Variants in ADAMTSL1 observed in about 807,000 individuals in gnomAD.
ADAMTSL1 encodes the protein ADAMTS like 1.
In ADAMTSL1, 126 loss-of-function variants were observed where a neutral mutation model predicts 201.8. The observed-to-expected ratio is 0.62, with a 90% CI of 0.54 to 0.72. The LOEUF (loss-of-function observed/expected upper bound fraction) is 0.72. ADAMTSL1 is among the 30% of genes least tolerant of loss of function. The pLI is 0.00. For missense variants in ADAMTSL1, 2,679 were observed against 2,277.8 expected, an observed-to-expected ratio of 1.18 and a Z score of -3.59; for synonymous variants, 1,121 against 903.4, an observed-to-expected ratio of 1.24 and a Z score of -4.32.
At chr9:18,895,226 C>A (rs1031869052) in intron 26 of ADAMTSL1, among the ~76,000 whole-genome samples, 1 of 152,082 alleles carries the variant, frequency 6.6e-6, no homozygotes, top group Non-Finnish European at 1.5e-5. Context: ...GGGACATTAG[C>A]AAAATGGCAA....
chr9:17,933,294 C>T (rs1034569211), intron 1 of ADAMTSL1, among the ~76,000 whole-genome samples: 4 of 152,084 alleles, frequency 2.6e-5, no homozygotes, highest in African/African-American at 9.7e-5. Flanking sequence ...ACCTTCTCCT[C>T]TGTATGGGTC....
At chr9:18,481,401 TG>T (rs1179643319) in intron 1 of ADAMTSL1, among the ~76,000 whole-genome samples, 3 of 152,036 alleles carry the variant, frequency 2.0e-5, no homozygotes, top group Non-Finnish European at 4.4e-5. Flanking sequence ...AAAAATTAGC[TG>T]GGCATGGTGG....
intron 2 of ADAMTSL1, among the ~76,000 whole-genome samples, chr9:18,300,670 C>T (rs1459035127): frequency 1.3e-5 from 2 of 152,056 alleles, no homozygotes; most frequent in East Asian, 3.9e-4. Flanking sequence ...AATATATGTC[C>T]CTAAAACTAG....
rs1830449747 is a variant in ADAMTSL1 at position 18,908,741 on chromosome 9, G to A, written c.*193G>A. The A allele has an allele frequency of 1.8e-6, 1 of 543,858 alleles. No individual in the cohort carries two copies. The highest frequency in any genetic ancestry group is 3.3e-6 in the Non-Finnish European group (1 of 303,670). The allele number at this position is 543,858 out of a possible 1,614,324, so 33.7% of individuals were successfully genotyped here. ...GTGTTTTCTCTTTCAGTTAGCTGGA[G>A]GACAGGATGTTGGGAAAGGAAAGGA... On this transcript the variant is annotated 3_prime_UTR_variant, in exon 29 of 29. Transcript: ENST00000380548.
At chr9:18,892,984 G>T (rs1176957419) in intron 26 of ADAMTSL1, among the ~76,000 whole-genome samples, 1 of 151,124 alleles carries the variant, frequency 6.6e-6, no homozygotes, top group Non-Finnish European at 1.5e-5. Flanking sequence ...AATGTTTTTG[G>T]CCATAGAGTT....
intron 2 of ADAMTSL1, among the ~76,000 whole-genome samples, chr9:18,437,314 T>C (rs1010189264): frequency 6.6e-6 from 1 of 152,130 alleles, no homozygotes; most frequent in Non-Finnish European, 1.5e-5. Flanking sequence ...TTTTACATCA[T>C]TCATATATCT....
chr9:18,649,288 T>A (rs1180764175), intron 7 of ADAMTSL1, among the ~76,000 whole-genome samples: 2 of 151,970 alleles, frequency 1.3e-5, no homozygotes, highest in Non-Finnish European at 2.9e-5. Context: ...TATACATTTG[T>A]CTAAATTTTT....
At chr9:18,132,934 G>C (rs1226581127) in intron 1 of ADAMTSL1, among the ~76,000 whole-genome samples, 1 of 152,074 alleles carries the variant, frequency 6.6e-6, no homozygotes, top group Admixed American at 6.6e-5. Context: ...CGGAGATAGC[G>C]TTCAGACTGT....
chr9:18,069,178 T>TACAC (rs1822841612), intron 1 of ADAMTSL1, among the ~76,000 whole-genome samples: 1 of 152,208 alleles, frequency 6.6e-6, no homozygotes, highest in Admixed American at 6.5e-5. Context: ...AAGTGTAACA[T>TACAC]ACACACCATA....
chr9:18,016,599 A>G (rs1820270860), intron 1 of ADAMTSL1, among the ~76,000 whole-genome samples: 1 of 152,008 alleles, frequency 6.6e-6, no homozygotes, highest in African/African-American at 2.4e-5. Context: ...CTGTGCACAT[A>G]GTGAATAATT....
At chr9:18,885,866 G>A (rs1443663313) in intron 23 of ADAMTSL1, among the ~76,000 whole-genome samples, 1 of 151,984 alleles carries the variant, frequency 6.6e-6, no homozygotes, top group East Asian at 1.9e-4. Flanking sequence ...AAGGCCTGCC[G>A]CACAATCTCA....
At chr9:18,070,349 G>C (rs1010897958) in intron 1 of ADAMTSL1, among the ~76,000 whole-genome samples, 6 of 152,196 alleles carry the variant, frequency 3.9e-5, no homozygotes, top group Non-Finnish European at 7.3e-5. Context: ...TTCAGAGAGG[G>C]ATGGCAGGCA....
intron 14 of ADAMTSL1, chr9:18,718,505 A>ATGAC: frequency 1.8e-6 from 1 of 560,870 alleles, no homozygotes; most frequent in Non-Finnish European, 3.6e-6. Context: ...TGGGCCAAGA[A>ATGAC]TGACTAGCTT....
intron 2 of ADAMTSL1, among the ~76,000 whole-genome samples, chr9:18,508,965 A>ACC (rs1817850873): frequency 7.3e-6 from 1 of 137,788 alleles, no homozygotes; most frequent in Non-Finnish European, 1.6e-5. Flanking sequence ...CGGGTGGATC[A>ACC]TGAGGTCAGG....
At chr9:18,563,559 T>G (rs1230603145) in intron 3 of ADAMTSL1, among the ~76,000 whole-genome samples, 1 of 152,190 alleles carries the variant, frequency 6.6e-6, no homozygotes, top group Non-Finnish European at 1.5e-5. Context: ...GATCTGCTGT[T>G]CTCTTTAGAG....
chr9:18,552,908 T>G (rs1281954778), intron 3 of ADAMTSL1, among the ~76,000 whole-genome samples: 2 of 151,648 alleles, frequency 1.3e-5, no homozygotes, highest in African/African-American at 4.8e-5. Context: ...TTTATCTTTA[T>G]GGATATTTAA....
At chr9:18,345,837 C>T (rs1405568841) in intron 2 of ADAMTSL1, among the ~76,000 whole-genome samples, 1 of 152,040 alleles carries the variant, frequency 6.6e-6, no homozygotes, top group African/African-American at 2.4e-5. Context: ...GCAGAATTGG[C>T]CCCTTAGCAT....
intron 1 of ADAMTSL1, among the ~76,000 whole-genome samples, chr9:18,155,716 C>T (rs1320222802): frequency 6.6e-6 from 1 of 151,934 alleles, no homozygotes; most frequent in East Asian, 1.9e-4. Context: ...AAGAGAGGAG[C>T]CCTAACAGAG....
intron 2 of ADAMTSL1, among the ~76,000 whole-genome samples, chr9:18,189,163 T>G (rs1420057428): frequency 6.6e-6 from 1 of 152,128 alleles, no homozygotes; most frequent in Non-Finnish European, 1.5e-5. Flanking sequence ...CACTCCACAG[T>G]TGCCAGGCTG....
Sources: gnomAD v4.1 joint callset for allele counts (sites outside exome capture counted in the v4.1 genomes callset) on GRCh38, gnomAD v4.1.1 for gene constraint, MANE v1.5 for transcripts, NCBI Gene and HGNC (gene_info 2026-07-23, HGNC 2026-07-21) for gene names.